MIOS: variants seen among roughly 807,000 people sequenced by gnomAD.
The protein encoded by MIOS is meiosis regulator for oocyte development.
In MIOS, 52 loss-of-function variants were observed where a neutral mutation model predicts 96.9. The ratio of observed to expected loss-of-function variants is 0.54; its 90% CI spans 0.43 to 0.68. The LOEUF is 0.68. Ranked by LOEUF, MIOS falls within the 30% of genes least tolerant of loss-of-function variation. The pLI is 0.00. For missense variants in MIOS, 1,005 were observed against 1,052.8 expected, an observed-to-expected ratio of 0.95 and a Z score of 0.63; for synonymous variants, 397 against 359.5, an observed-to-expected ratio of 1.10 and a Z score of -1.18.
chr7:7,591,140 CT>C (rs2115440869), intron 9 of MIOS, among the ~76,000 whole-genome samples: 1 of 152,186 alleles, frequency 6.6e-6, no homozygotes, highest in African/African-American at 2.4e-5. Flanking sequence ...GTGACAGATT[CT>C]CTCAAATTTT....
intron 9 of MIOS, among the ~76,000 whole-genome samples, chr7:7,591,571 C>T (rs58522484): frequency 0.034 from 5,172 of 152,162 alleles, 290 homozygotes; most frequent in African/African-American, 0.12. Context: ...TGAGCCACCA[C>T]GCCCAGCCTA....
At position 7,583,131 on chromosome 7, in the gene MIOS, C is replaced by T; in HGVS notation, c.1407C>T (p.Ser469=). 1.2e-6 allele frequency: 2 copies of T among 1,610,736 alleles called. No individual in the cohort carries two copies. Among genetic ancestry groups the T allele is most frequent in the Non-Finnish European group, 8.5e-7 (1 of 1,178,062 alleles). ...TTCTGTTTTTAGGAATGGTGGAAAGCAGCAGACATAATTGGAGTGGGTTGG... is the reference window on the plus strand; with the variant it reads ...TTCTGTTTTTAGGAATGGTGGAAAGTAGCAGACATAATTGGAGTGGGTTGG... ...IVKSSLGMVE[S]SRHNWSGLDK... is the part of the protein sequence containing the mutation. The change falls in exon 6 of 13, where the codon AGC becomes AGT. Residue 469 remains serine (S), a synonymous_variant. Transcript: ENST00000340080.
rs377264151 is a variant in MIOS at position 7,589,416 on chromosome 7, C to T, written c.1896C>T (p.Tyr632=). Residue 632 remains tyrosine (Y), a synonymous_variant, in exon 9 of 13, where the codon TAC becomes TAT. Transcript: ENST00000340080. ...TTTAAATTTTCCAGTTAAATAGATACATCGAAAAGTTGACCAATGAAATGA... is the reference window on the plus strand; with the variant it reads ...TTTAAATTTTCCAGTTAAATAGATATATCGAAAAGTTGACCAATGAAATGA... ...KFLSDTQLNR[Y]IEKLTNEMKE... 8.7e-6 allele frequency: 14 copies of T among 1,612,812 alleles called. No homozygotes were observed. The highest frequency in any genetic ancestry group is 1.2e-5 in the Non-Finnish European group (14 of 1,179,310).
chr7:7,591,238 A>C (rs541859829), intron 9 of MIOS, among the ~76,000 whole-genome samples: 1 of 149,264 alleles, frequency 6.7e-6, no homozygotes, highest in African/African-American at 2.5e-5. Flanking sequence ...GTTGTTTCTG[A>C]TGAGAATCAG....
intron 11 of MIOS, among the ~76,000 whole-genome samples, chr7:7,604,845 CTAA>C (rs1784480692): frequency 6.6e-6 from 1 of 152,190 alleles, no homozygotes; most frequent in South Asian, 2.1e-4. Context: ...GTGACAAGCA[CTAA>C]TGAGAGCTTT....
chr7:7,584,961 A>G (rs1245757039), intron 6 of MIOS, among the ~76,000 whole-genome samples: 2 of 152,154 alleles, frequency 1.3e-5, no homozygotes, highest in African/African-American at 2.4e-5. Flanking sequence ...CTTGTAGTTC[A>G]TTTTGTCCTG....
rs529052936 is a variant in MIOS, at chr7:7,573,873, T to C, written c.1294+104T>C. On this transcript the variant is annotated intron_variant, in intron 4 of 12. Transcript: ENST00000340080. The surrounding 1 kb of genome is among the most constrained non-coding windows in gnomAD (Gnocchi z 5.0). Reference sequence around the variant, plus strand: ...ATATGCTCAATGTTTTATATACAAATACAAGTTACATAATACTAACATTAT... The same window carrying C: ...ATATGCTCAATGTTTTATATACAAACACAAGTTACATAATACTAACATTAT... 3 of 1,129,266 alleles carry C rather than the reference T, an allele frequency of 2.7e-6. No homozygotes were observed. In the Admixed American group the frequency reaches 7.1e-5, roughly 27 times the overall value. The allele number at this position is 1,129,266 out of a possible 1,614,324, so 70.0% of individuals were successfully genotyped here. A position where few individuals can be genotyped will look rare whatever the true frequency, so the allele number is the denominator to read the frequency against.
chr7:7,581,246 A>AACT (rs1783715753), intron 5 of MIOS, among the ~76,000 whole-genome samples: 1 of 137,118 alleles, frequency 7.3e-6, no homozygotes, highest in South Asian at 2.6e-4. Flanking sequence ...GGTTGCAGTG[A>AACT]GCTGAGATCG....
At chr7:7,601,491 G>T (rs1374216920) in intron 11 of MIOS, among the ~76,000 whole-genome samples, 31 of 152,070 alleles carry the variant, frequency 2.0e-4, no homozygotes, top group Admixed American at 1.7e-3. Context: ...ATAAATTCCT[G>T]GACACATACA....
intron 5 of MIOS, among the ~76,000 whole-genome samples, chr7:7,574,839 G>C (rs986533531): frequency 6.6e-6 from 1 of 151,460 alleles, no homozygotes; most frequent in Non-Finnish European, 1.5e-5. Flanking sequence ...TACTGGAATT[G>C]AATAATGGGT....
chr7:7,572,483 G>T lies in MIOS; in HGVS notation c.8G>T (p.Gly3Val), dbSNP rs1315484939. 6.2e-7 allele frequency: 1 copy of T among 1,612,382 alleles called. No individual in the cohort carries two copies. Among genetic ancestry groups the T allele is most frequent in the African/African-American group, 1.3e-5 (1 of 75,002 alleles). Reference protein sequence around the residue: MSGTKPDILWAPH... With the variant: MSVTKPDILWAPH... ...TTGATCACATCAGTAAACATGAGCG[G>T]TACCAAACCTGATATTTTATGGGCA... Residue 3 changes from glycine (G) to valine (V), a missense_variant, in exon 4 of 13, where the codon GGT (glycine) becomes GTT (valine). Around this residue, in one of 3 missense-constraint regions of MIOS, gnomAD observed 137 missense variants for 148.6 expected, o/e 0.92. Coordinates refer to ENST00000340080, the MANE Select transcript of MIOS (RefSeq NM_019005.4). The surrounding 1 kb of genome is among the most constrained non-coding windows in gnomAD (Gnocchi z 4.8).
At chr7:7,596,544 C>T in intron 11 of MIOS, 83 bp downstream of exon 11, 1 of 1,306,502 alleles carries the variant, frequency 7.7e-7, no homozygotes, top group South Asian at 1.2e-5. Context: ...AAAATACAAA[C>T]TAGCTAGAGT....
At chr7:7,601,023 A>T (rs1383855270) in intron 11 of MIOS, among the ~76,000 whole-genome samples, 1 of 152,102 alleles carries the variant, frequency 6.6e-6, no homozygotes, top group Admixed American at 6.6e-5. Flanking sequence ...AACCAACGAG[A>T]ACAAAGACAC....
At chr7:7,580,354 CCTT>C (rs1783672192) in intron 5 of MIOS, among the ~76,000 whole-genome samples, 1 of 152,122 alleles carries the variant, frequency 6.6e-6, no homozygotes, top group African/African-American at 2.4e-5. Context: ...GTAGCATGCT[CCTT>C]CTTTTTAGTG....
At chr7:7,589,649 C>T in intron 9 of MIOS, 86 bp downstream of exon 9, 7 of 1,431,346 alleles carry the variant, frequency 4.9e-6, no homozygotes, top group Non-Finnish European at 5.7e-6. Flanking sequence ...TGCACTTTTG[C>T]TTGCTTAGGA....
chr7:7,588,460 G>T, intron 7 of MIOS, 38 bp from the exon 8 acceptor site: 3 of 1,403,334 alleles, frequency 2.1e-6, no homozygotes, highest in African/African-American at 1.4e-5. Context: ...AAACCAGTGC[G>T]CCTAGAAGTA....
At chr7:7,601,112 G>A (rs893223010) in intron 11 of MIOS, among the ~76,000 whole-genome samples, 7 of 152,128 alleles carry the variant, frequency 4.6e-5, no homozygotes, top group Admixed American at 1.3e-4. Flanking sequence ...ACGAGAGTAA[G>A]CAGGAAAGAT....
chr7:7,603,807 C>G (rs1183848784), intron 11 of MIOS, among the ~76,000 whole-genome samples: 14 of 151,920 alleles, frequency 9.2e-5, no homozygotes, highest in Non-Finnish European at 2.1e-4. Flanking sequence ...GACTTGGAAC[C>G]AAGCCAGATA....
In MIOS at chr7:7,573,177, A is replaced by G. The variant is rs1377782552; in HGVS notation, c.702A>G (p.Pro234=). ...TKAVQGVTVD[P]YFHDRVASFY... ...CTGTTCAGGGTGTGACGGTAGACCC[A>G]TATTTCCACGATCGTGTTGCTTCCT... The change falls in exon 4 of 13, where the codon CCA becomes CCG. Residue 234 remains proline, a synonymous_variant. Coordinates refer to ENST00000340080, the MANE Select transcript of MIOS (RefSeq NM_019005.4). This position sits in a 1 kb window ranked among gnomAD's most constrained non-coding sequence, Gnocchi z 5.0. 1 of 1,614,124 alleles carries G rather than the reference A, an allele frequency of 6.2e-7. No homozygotes were observed.
Sources: gnomAD v4.1 joint callset for allele counts (sites outside exome capture counted in the v4.1 genomes callset) on GRCh38, gnomAD v4.1.1 for gene constraint, gnomAD v4.1.1 regional missense constraint, Gnocchi (gnomAD v3.1) non-coding constraint, MANE v1.5 for transcripts, NCBI Gene and HGNC (gene_info 2026-07-23, HGNC 2026-07-21) for gene names.